Variants in GREB1L observed in about 807,000 individuals in gnomAD.
GREB1L encodes the protein GREB1-like protein.
GREB1L carries 17 observed loss-of-function variants against 200.8 expected under a neutral mutation model. That is an observed-to-expected ratio of 0.08 (90% CI 0.06 to 0.13). GREB1L has a LOEUF of 0.13. Among genes scored for constraint, GREB1L ranks in the 10% least tolerant of loss-of-function variants. The probability of loss-of-function intolerance (pLI) is 1.00; values close to 1 mark genes in which losing one functional copy is unlikely to be tolerated. For synonymous variants in GREB1L, 789 were observed against 893.0 expected (o/e 0.88, Z 2.08); for missense variants, 1,657 against 2,367.7 (o/e 0.70, Z 6.23).
At chr18:21,310,114 T>C (rs2038767901) in intron 1 of GREB1L, among the ~76,000 whole-genome samples, 1 of 152,210 alleles carries the variant, frequency 6.6e-6, no homozygotes, top group Admixed American at 6.5e-5. Flanking sequence ...TAACTTTTAT[T>C]TAAACAGCTG....
intron 7 of GREB1L, among the ~76,000 whole-genome samples, chr18:21,415,777 C>T (rs1420774810): frequency 1.3e-5 from 2 of 152,120 alleles, no homozygotes; most frequent in Admixed American, 6.5e-5. Context: ...TAATACATAG[C>T]CCTAGACTGA....
intron 1 of GREB1L, among the ~76,000 whole-genome samples, chr18:21,312,605 G>A (rs1224622009): frequency 1.3e-5 from 2 of 151,782 alleles, no homozygotes; most frequent in African/African-American, 4.8e-5. Context: ...CCAGGCTGGA[G>A]TGCAGTGGCA....
intron 7 of GREB1L, among the ~76,000 whole-genome samples, chr18:21,437,767 G>A (rs2033639465): frequency 6.6e-6 from 1 of 152,106 alleles, no homozygotes; most frequent in African/African-American, 2.4e-5. Flanking sequence ...GAGGTTTCAG[G>A]GACGTAGCCA....
At position 21,245,780 on chromosome 18, in the gene GREB1L, C is replaced by T. The variant is rs143016819; in HGVS notation, c.-120+3387C>T. Among the ~76,000 whole-genome samples, 1,218 of 152,094 alleles carry T rather than the reference C, an allele frequency of 8.0e-3. 20 individuals carry two copies. Among genetic ancestry groups the T allele is most frequent in the African/African-American group, 0.027 (1,105 of 41,482 alleles). On this transcript the variant is annotated intron_variant, in intron 1 of 32. Transcript: ENST00000424526. ...CCACCCAGGCTGGAGTGCAGTGGTG[C>T]GATCTCCACTCACTGCAAGCTCCGC...
intron 7 of GREB1L, among the ~76,000 whole-genome samples, chr18:21,428,810 G>T (rs1333557887): frequency 7.0e-6 from 1 of 142,588 alleles, no homozygotes; most frequent in East Asian, 2.2e-4. Flanking sequence ...CTCCACTTCC[G>T]AGGTTCCAGC....
At chr18:21,456,895 A>AT (rs1196690738) in intron 15 of GREB1L, among the ~76,000 whole-genome samples, 3 of 151,676 alleles carry the variant, frequency 2.0e-5, no homozygotes, top group Non-Finnish European at 4.4e-5. Flanking sequence ...TTTCATATGG[A>AT]TTTTTTTCCT....
chr18:21,377,818 G>A (rs536749582), intron 2 of GREB1L, among the ~76,000 whole-genome samples: 23 of 152,262 alleles, frequency 1.5e-4, no homozygotes, highest in African/African-American at 5.3e-4. Flanking sequence ...CCTGAGGCAG[G>A]AGAGTCACTT....
chr18:21,412,270 A>G (rs61294148), intron 7 of GREB1L, among the ~76,000 whole-genome samples: 4 of 150,974 alleles, frequency 2.6e-5, no homozygotes. Flanking sequence ...AAAATTAGCA[A>G]CGTGTGTTGA....
chr18:21,442,070 A>C (rs2033931549), intron 10 of GREB1L, among the ~76,000 whole-genome samples: 1 of 152,236 alleles, frequency 6.6e-6, no homozygotes, highest in South Asian at 2.1e-4. Flanking sequence ...CAAGAGAACC[A>C]AGAGGCCCTA....
intron 15 of GREB1L, among the ~76,000 whole-genome samples, chr18:21,472,145 C>T (rs904241442): frequency 3.3e-5 from 5 of 152,092 alleles, no homozygotes; most frequent in Admixed American, 6.6e-5. Context: ...TCTGTTATAC[C>T]GTTTAGGCCT....
At chr18:21,436,089 A>G (rs367622358) in intron 7 of GREB1L, among the ~76,000 whole-genome samples, 295 of 152,292 alleles carry the variant, frequency 1.9e-3, no homozygotes, top group African/African-American at 7.0e-3. Context: ...GCTTATGGTG[A>G]TTGCCATCAT....
At chr18:21,485,832 A>T in intron 18 of GREB1L, 79 bp downstream of exon 18, 1 of 1,416,296 alleles carries the variant, frequency 7.1e-7, no homozygotes, top group Non-Finnish European at 9.6e-7. Context: ...CTTTTGTGTC[A>T]GTGCTACGGG....
At chr18:21,392,261 A>T (rs547986153) in intron 4 of GREB1L, among the ~76,000 whole-genome samples, 1 of 152,346 alleles carries the variant, frequency 6.6e-6, no homozygotes, top group South Asian at 2.1e-4. Context: ...CAAGTGCTCC[A>T]TAAGTTTTAG....
At chr18:21,432,662 G>GT (rs559843382) in intron 7 of GREB1L, among the ~76,000 whole-genome samples, 3,108 of 109,632 alleles carry the variant, frequency 0.028, 118 homozygotes, top group African/African-American at 0.094. Context: ...ATTTTCGTAA[G>GT]TTTTTTTTTT....
At chr18:21,343,720 G>A (rs1261335728) in intron 1 of GREB1L, among the ~76,000 whole-genome samples, 1 of 149,946 alleles carries the variant, frequency 6.7e-6, no homozygotes, top group African/African-American at 2.5e-5. Context: ...GCAGAAGGTT[G>A]AGAAGAGAGA....
rs1340510724 is a variant in GREB1L, at chr18:21,443,434, C to T, written c.1208-790C>T. Among the ~76,000 whole-genome samples, 8 of 151,220 alleles carry T rather than the reference C, an allele frequency of 5.3e-5. 1 individual carries two copies. The highest frequency in any genetic ancestry group is 3.9e-4 in the Admixed American group (6 of 15,198). ...GTTGGCCAGGCTGGTCTCAAACTCC[C>T]GACCTCAGGTGATCCACCCGCCTGG... On this transcript the variant is annotated intron_variant, in intron 10 of 32. Transcript: ENST00000424526.
chr18:21,513,175 G>A (rs1355603715), intron 27 of GREB1L, among the ~76,000 whole-genome samples: 1 of 152,172 alleles, frequency 6.6e-6, no homozygotes, highest in African/African-American at 2.4e-5. Context: ...CTAGAAAGTG[G>A]TGGAATTAGG....
At chr18:21,351,882 C>G (rs1598685526) in intron 1 of GREB1L, among the ~76,000 whole-genome samples, 1 of 152,098 alleles carries the variant, frequency 6.6e-6, no homozygotes, top group Admixed American at 6.6e-5. Flanking sequence ...GAGTCTCAAT[C>G]TGTCGCCCAG....
chr18:21,362,036 T>C (rs1411995850), intron 1 of GREB1L, among the ~76,000 whole-genome samples: 1 of 152,310 alleles, frequency 6.6e-6, no homozygotes, highest in African/African-American at 2.4e-5. Context: ...TTAGAACAAG[T>C]ATTTTATATA....
Sources: gnomAD v4.1 joint callset for allele counts (sites outside exome capture counted in the v4.1 genomes callset) on GRCh38, gnomAD v4.1.1 for gene constraint, MANE v1.5 for transcripts, NCBI Gene and HGNC (gene_info 2026-07-23, HGNC 2026-07-21) for gene names.